Variants in TRPC6 observed in about 807,000 individuals in gnomAD.
TRPC6 encodes short transient receptor potential channel 6.
Under a neutral mutation model 90.7 loss-of-function variants are expected in TRPC6, and 55 were observed. The observed-to-expected ratio is 0.61, with a 90% CI of 0.49 to 0.76. The LOEUF (loss-of-function observed/expected upper bound fraction) is 0.76, where lower values mean the gene tolerates loss of function less well. TRPC6 is among the 30% of genes least tolerant of loss of function. TRPC6 has a pLI of 0.00. For missense variants in TRPC6, 989 were observed against 1,122.7 expected (o/e 0.88, Z 1.70); for synonymous variants, 393 against 393.0 (o/e 1.00, Z 0.00).
chr11:101,519,612 G>GA (rs929246287), intron 1 of TRPC6, among the ~76,000 whole-genome samples: 6 of 150,788 alleles, frequency 4.0e-5, no homozygotes, highest in African/African-American at 7.3e-5. Flanking sequence ...TAGTTACTCA[G>GA]AAAAAAAAAT....
rs1591132789 is a variant in TRPC6, at chr11:101,554,470, A to G, written c.170+28864T>C. ...TGGCCTGATTATGTTGGAATCCTTA[A>G]TGTTTCCCATGTTTGCATGAATGTA... On this transcript the variant is annotated intron_variant, in intron 1 of 12. Transcript: ENST00000344327. Among the ~76,000 whole-genome samples the G allele has an allele frequency of 3.9e-5, 6 of 152,126 alleles. No homozygotes were observed. In the South Asian group the frequency reaches 1.2e-3, roughly 32 times the overall value.
At chr11:101,486,923 A>C (rs1859691064) in intron 4 of TRPC6, among the ~76,000 whole-genome samples, 1 of 152,176 alleles carries the variant, frequency 6.6e-6, no homozygotes, top group Non-Finnish European at 1.5e-5. Context: ...AAAACAGTAA[A>C]ATAGGTTTTG....
intron 6 of TRPC6, 79 bp from the exon 7 acceptor site, chr11:101,473,852 A>C: frequency 6.3e-7 from 1 of 1,595,844 alleles, no homozygotes; most frequent in Non-Finnish European, 8.6e-7. Context: ...CTGCGAAAGA[A>C]ATATAGTTAT....
chr11:101,463,542 T>C lies in TRPC6; in HGVS notation c.2484+5885A>G, dbSNP rs189687102. ...TCTTCCTGGTTTAGTCTTGAGAGGGTGTATGTGTCCAGGAATTTATCCATT... is the reference window on the plus strand; with the variant it reads ...TCTTCCTGGTTTAGTCTTGAGAGGGCGTATGTGTCCAGGAATTTATCCATT... On this transcript the variant is annotated intron_variant, in intron 10 of 12. Coordinates refer to ENST00000344327, the MANE Select transcript of TRPC6 (RefSeq NM_004621.6). Among the ~76,000 whole-genome samples, 600 of 152,270 alleles carry C rather than the reference T, an allele frequency of 3.9e-3. 4 individuals are homozygous for C. The highest frequency in any genetic ancestry group is 0.014 in the African/African-American group (575 of 41,550).
chr11:101,558,492 CACACAT>C lies in TRPC6; in HGVS notation c.170+24836_170+24841del, dbSNP rs1265661792. 7.8e-5 allele frequency among the ~76,000 whole-genome samples: 11 copies of C among 140,412 alleles called. 3 individuals carry two copies. The highest frequency in any genetic ancestry group is 2.1e-4 in the African/African-American group (8 of 37,824). The allele number at this position is 140,412 out of a possible 152,430, so 92.1% of individuals were successfully genotyped here. A position where few individuals can be genotyped will look rare whatever the true frequency, so the allele number is the denominator to read the frequency against. ...ACACACACACACACACACACACACACACACATATACTAATCAGTGAAACAGAATAGA... is the reference window on the plus strand; with the variant it reads ...ACACACACACACACACACACACACACATACTAATCAGTGAAACAGAATAGA... On this transcript the variant is annotated intron_variant, in intron 1 of 12. Coordinates refer to ENST00000344327, the MANE Select transcript of TRPC6 (RefSeq NM_004621.6).
intron 1 of TRPC6, among the ~76,000 whole-genome samples, chr11:101,554,647 C>G (rs1014190046): frequency 6.6e-6 from 1 of 152,068 alleles, no homozygotes; most frequent in African/African-American, 2.4e-5. Context: ...TTATAAGCCT[C>G]ACTATATTTC....
chr11:101,499,291 T>A (rs1860031154), intron 2 of TRPC6, among the ~76,000 whole-genome samples: 1 of 152,078 alleles, frequency 6.6e-6, no homozygotes, highest in Non-Finnish European at 1.5e-5. Flanking sequence ...GAGTGATTCT[T>A]TTAAATGTGA....
At position 101,546,050 on chromosome 11, in the gene TRPC6, C is replaced by CTTTTTTTTTT. The variant is rs1166182552; in HGVS notation, c.170+37274_170+37283dup. Among the ~76,000 whole-genome samples, 141 of 29,728 alleles carry CTTTTTTTTTT rather than the reference C, an allele frequency of 4.7e-3. 36 individuals carry two copies. The highest frequency in any genetic ancestry group is 6.5e-3 in the Non-Finnish European group (104 of 16,054). The allele number at this position is 29,728 out of a possible 152,430, so 19.5% of individuals were successfully genotyped here. A position where few individuals can be genotyped will look rare whatever the true frequency, so the allele number is the denominator to read the frequency against. ...TGGATCTAGTATCACATTTATAACT[C>CTTTTTTTTTT]TTTTTTTTTTTTTTTTTTTTTTTTT... On this transcript the variant is annotated intron_variant, in intron 1 of 12. Coordinates refer to ENST00000344327, the MANE Select transcript of TRPC6 (RefSeq NM_004621.6).
At chr11:101,510,241 G>A (rs1860367023) in intron 1 of TRPC6, among the ~76,000 whole-genome samples, 1 of 152,004 alleles carries the variant, frequency 6.6e-6, no homozygotes, top group African/African-American at 2.4e-5. Flanking sequence ...TTAAGTAACA[G>A]ATATTTGAAA....
intron 1 of TRPC6, among the ~76,000 whole-genome samples, chr11:101,580,908 T>A (rs55893887): frequency 9.1e-4 from 138 of 152,322 alleles, no homozygotes; most frequent in African/African-American, 3.2e-3. Context: ...AGGGAGTAAT[T>A]TTCTTTAGCT....
intron 1 of TRPC6, among the ~76,000 whole-genome samples, chr11:101,521,872 C>G (rs1195663533): frequency 3.3e-5 from 5 of 152,332 alleles, no homozygotes; most frequent in East Asian, 3.9e-4. Context: ...TAACTCCTCC[C>G]TTTGGCTGAT....
At chr11:101,507,286 T>G (rs1346260042) in intron 1 of TRPC6, among the ~76,000 whole-genome samples, 1 of 151,882 alleles carries the variant, frequency 6.6e-6, no homozygotes, top group Admixed American at 6.6e-5. Flanking sequence ...CTCTTCTCCA[T>G]CAATATAAGT....
chr11:101,568,246 T>C (rs998516190), intron 1 of TRPC6, among the ~76,000 whole-genome samples: 1 of 152,096 alleles, frequency 6.6e-6, no homozygotes, highest in African/African-American at 2.4e-5. Context: ...ACATGCCAAA[T>C]TGATCAAGTG....
At chr11:101,471,064 G>A (rs1859281277) in intron 9 of TRPC6, 119 bp downstream of exon 9, 1 of 926,984 alleles carries the variant, frequency 1.1e-6, no homozygotes. Flanking sequence ...TGAAGTGACT[G>A]CATATGGGAA....
At chr11:101,575,160 T>C (rs1412806887) in intron 1 of TRPC6, among the ~76,000 whole-genome samples, 1 of 152,220 alleles carries the variant, frequency 6.6e-6, no homozygotes, top group Non-Finnish European at 1.5e-5. Context: ...TCAATGTCTC[T>C]AAAACAACCT....
intron 1 of TRPC6, among the ~76,000 whole-genome samples, chr11:101,547,354 T>C (rs1861330785): frequency 6.6e-6 from 1 of 152,150 alleles, no homozygotes; most frequent in Non-Finnish European, 1.5e-5. Flanking sequence ...AACATTAATG[T>C]AATATTTCCT....
chr11:101,562,699 T>C (rs1861742035), intron 1 of TRPC6, among the ~76,000 whole-genome samples: 2 of 152,114 alleles, frequency 1.3e-5, no homozygotes, highest in South Asian at 2.1e-4. Flanking sequence ...CCCTGTGAAA[T>C]ATGACATTGA....
At chr11:101,527,308 T>C (rs1379585498) in intron 1 of TRPC6, among the ~76,000 whole-genome samples, 4 of 152,176 alleles carry the variant, frequency 2.6e-5, no homozygotes, top group Non-Finnish European at 4.4e-5. Context: ...ACTCTGAAGC[T>C]TGAAAAACAA....
intron 10 of TRPC6, among the ~76,000 whole-genome samples, chr11:101,463,273 T>C (rs1340960848): frequency 6.6e-6 from 1 of 152,182 alleles, no homozygotes; most frequent in Non-Finnish European, 1.5e-5. Flanking sequence ...AAATTTTCTT[T>C]TTCTGTTGCG....
Sources: allele counts gnomAD v4.1 joint callset (sites outside exome capture counted in the v4.1 genomes callset), GRCh38; gene constraint gnomAD v4.1.1; transcripts MANE v1.5; gene names NCBI Gene and HGNC (gene_info 2026-07-23, HGNC 2026-07-21).